Variants in RUFY2 observed in about 807,000 individuals in gnomAD.
RUFY2 encodes the protein RUN and FYVE domain-containing protein 2.
A neutral mutation model predicts 94.4 loss-of-function variants in RUFY2; 49 were observed. The ratio of observed to expected loss-of-function variants is 0.52; its 90% CI spans 0.41 to 0.66. RUFY2 has a LOEUF of 0.66. Ranked by LOEUF, RUFY2 falls within the 30% of genes least tolerant of loss-of-function variation. The pLI, the probability that RUFY2 is intolerant of heterozygous loss-of-function variation, is 0.00. For missense variants in RUFY2, 541 were observed against 692.8 expected, an observed-to-expected ratio of 0.78 and a Z score of 2.46; for synonymous variants, 255 against 235.7, an observed-to-expected ratio of 1.08 and a Z score of -0.75.
chr10:68,394,404 A>G lies in RUFY2; in HGVS notation c.446T>C (p.Val149Ala). ...CAGGCCAACCAGCAGCCCAACAATT[A>G]CTGCTCCTTCTTCTTCCATCATTAG... is the stretch of plus-strand genomic sequence containing the variant. Reference protein sequence around the residue: ...HALMMEEEGAVIVGLLVGLNV... With the variant: ...HALMMEEEGAAIVGLLVGLNV... The change falls in exon 5 of 18, where the codon GTA (valine) becomes GCA (alanine). Residue 149 changes from valine (V) to alanine (A), a missense_variant. By Grantham distance (64) the Val-to-Ala change is moderately conservative. Around this residue, in one of 3 missense-constraint regions of RUFY2, gnomAD observed 85 missense variants for 153.4 expected, o/e 0.55. Coordinates refer to ENST00000602465, the MANE Select transcript of RUFY2 (RefSeq NM_001330103.2). 1.2e-6 allele frequency: 2 copies of G among 1,613,680 alleles called. No homozygotes were observed. The highest frequency in any genetic ancestry group is 1.7e-6 in the Non-Finnish European group (2 of 1,179,656).
Position 68,380,544 on chromosome 10 carries a change from T to G in RUFY2, c.1107+688A>C, listed in dbSNP as rs559417075. 7.9e-5 allele frequency among the ~76,000 whole-genome samples: 12 copies of G among 152,168 alleles called. No homozygotes were observed. In the South Asian group the frequency reaches 2.5e-3, roughly 32 times the overall value. On this transcript the variant is annotated intron_variant, in intron 11 of 17. Transcript: ENST00000602465. ...AAAGGGTTTTGGCAACATATCTACT[T>G]AATAGCAATATCATCGTACAAAACT...
At chr10:68,384,010 T>C (rs2049291250) in intron 9 of RUFY2, 41 bp downstream of exon 9, 1 of 1,591,996 alleles carries the variant, frequency 6.3e-7, no homozygotes, top group African/African-American at 1.3e-5. Context: ...AATGGTAATT[T>C]CTGACACGAG....
chr10:68,355,720 C>T (rs1187537974), intron 15 of RUFY2: 2 of 183,446 alleles, frequency 1.1e-5, no homozygotes, highest in South Asian at 1.8e-4. Context: ...CGAGACCATC[C>T]TGGCTAACAT....
chr10:68,356,867 T>C (rs1414191736), intron 15 of RUFY2, among the ~76,000 whole-genome samples: 4 of 151,614 alleles, frequency 2.6e-5, no homozygotes, highest in African/African-American at 9.7e-5. Flanking sequence ...CTTTTGAAAA[T>C]ATGTATGTTG....
At chr10:68,384,246 A>T in intron 8 of RUFY2, 94 bp from the exon 9 acceptor site, 1 of 1,405,956 alleles carries the variant, frequency 7.1e-7, no homozygotes, top group East Asian at 2.6e-5. Context: ...CAGAAAATAA[A>T]ATCTCACAAC....
At chr10:68,399,438 A>T (rs2050648998) in intron 3 of RUFY2, among the ~76,000 whole-genome samples, 1 of 152,198 alleles carries the variant, frequency 6.6e-6, no homozygotes, top group Non-Finnish European at 1.5e-5. Context: ...CATCTATACA[A>T]TTATAATAAT....
chr10:68,366,119 G>C (rs982518955), intron 13 of RUFY2, among the ~76,000 whole-genome samples: 1 of 152,016 alleles, frequency 6.6e-6, no homozygotes, highest in African/African-American at 2.4e-5. Flanking sequence ...TTGAGGCCAA[G>C]AGTTCAAGAC....
chr10:68,364,588 T>C (rs2047672487), intron 13 of RUFY2, among the ~76,000 whole-genome samples: 1 of 152,192 alleles, frequency 6.6e-6, no homozygotes, highest in Non-Finnish European at 1.5e-5. Flanking sequence ...AAATCAGCCC[T>C]GTTGCAGAGT....
chr10:68,406,720 T>C lies in RUFY2; in HGVS notation c.4+466A>G, dbSNP rs1257093763. 17 of 1,574,668 alleles carry C rather than the reference T, an allele frequency of 1.1e-5. No individual in the cohort carries two copies. The Admixed American group carries it at 2.9e-4, about 27-fold the overall frequency. On this transcript the variant is annotated intron_variant, in intron 1 of 17. Coordinates refer to ENST00000602465, the MANE Select transcript of RUFY2 (RefSeq NM_001330103.2). ...CCCCCAGCAAGGCTGCCCAGAGGCCTGGGGGCCCCCCAGGACCATCGCGGC... is the reference window on the plus strand; with the variant it reads ...CCCCCAGCAAGGCTGCCCAGAGGCCCGGGGGCCCCCCAGGACCATCGCGGC...
At chr10:68,385,847 T>C (rs1184232290) in intron 8 of RUFY2, among the ~76,000 whole-genome samples, 3 of 152,146 alleles carry the variant, frequency 2.0e-5, no homozygotes, top group African/African-American at 7.2e-5. Flanking sequence ...ATCTCAAATA[T>C]AGTATCTCAG....
chr10:68,392,442 A>T (rs982864989), intron 7 of RUFY2, among the ~76,000 whole-genome samples: 19 of 152,326 alleles, frequency 1.2e-4, no homozygotes, highest in African/African-American at 4.6e-4. Context: ...TGACAATGTA[A>T]GAAAGCAAAA....
chr10:68,368,193 T>C (rs1049496425), intron 13 of RUFY2, among the ~76,000 whole-genome samples: 1 of 151,156 alleles, frequency 6.6e-6, no homozygotes, highest in African/African-American at 2.4e-5. Flanking sequence ...GGTCTCGAAC[T>C]CTTGACCTCA....
chr10:68,401,333 A>G (rs2050833316), intron 3 of RUFY2, among the ~76,000 whole-genome samples: 1 of 152,202 alleles, frequency 6.6e-6, no homozygotes, highest in African/African-American at 2.4e-5. Context: ...CACTCAGAAA[A>G]CAAAGATGCA....
chr10:68,395,554 T>TA (rs1267918486), intron 4 of RUFY2, among the ~76,000 whole-genome samples: 2 of 152,152 alleles, frequency 1.3e-5, no homozygotes, highest in Non-Finnish European at 2.9e-5. Context: ...ATTTGATAGG[T>TA]ATATTATAAA....
At chr10:68,346,743 G>C (rs975003659) in intron 16 of RUFY2, 6 of 152,046 alleles carry the variant, frequency 3.9e-5, no homozygotes, top group Non-Finnish European at 2.9e-5. Flanking sequence ...TGGAGAATGG[G>C]GTATCCTAGT....
At chr10:68,354,932 C>T (rs535605796) in intron 16 of RUFY2, among the ~76,000 whole-genome samples, 36 of 151,618 alleles carry the variant, frequency 2.4e-4, no homozygotes, top group African/African-American at 8.5e-4. Flanking sequence ...TTGCAACCTC[C>T]ACCTTCCGGG....
At chr10:68,358,471 C>A (rs2047207517) in intron 15 of RUFY2, among the ~76,000 whole-genome samples, 3 of 152,196 alleles carry the variant, frequency 2.0e-5, no homozygotes, top group Non-Finnish European at 4.4e-5. Flanking sequence ...ATAATCATCA[C>A]ATTTTCTTGG....
chr10:68,401,783 T>C (rs367707454), intron 2 of RUFY2, 46 bp from the exon 3 acceptor site: 3 of 1,057,166 alleles, frequency 2.8e-6, no homozygotes, highest in Non-Finnish European at 4.4e-6. Flanking sequence ...CATAAAAAAC[T>C]GTAGTAACTT....
At chr10:68,400,303 G>A (rs1158760724) in intron 3 of RUFY2, among the ~76,000 whole-genome samples, 3 of 150,214 alleles carry the variant, frequency 2.0e-5, no homozygotes, top group Middle Eastern at 3.8e-3. Context: ...GCAACAGGGT[G>A]AGACTGTCCG....
Sources: gnomAD v4.1 joint callset for allele counts (sites outside exome capture counted in the v4.1 genomes callset) on GRCh38, gnomAD v4.1.1 for gene constraint, gnomAD v4.1.1 regional missense constraint, MANE v1.5 for transcripts, NCBI Gene and HGNC (gene_info 2026-07-23, HGNC 2026-07-21) for gene names.